Variants in ANK2 observed in about 807,000 individuals in gnomAD.
ANK2 encodes the protein ankyrin 2, also known as ankyrin-2.
In ANK2, 83 loss-of-function variants were observed where a neutral mutation model predicts 360.5. The observed-to-expected ratio is 0.23, with a 90% CI of 0.19 to 0.28. ANK2 has a LOEUF of 0.28. Among genes scored for constraint, ANK2 ranks in the 10% least tolerant of loss-of-function variants. The pLI is 1.00. For missense variants in ANK2, 4,201 were observed against 4,795.7 expected, an observed-to-expected ratio of 0.88 and a Z score of 3.66; for synonymous variants, 1,740 against 1,759.5, an observed-to-expected ratio of 0.99 and a Z score of 0.28.
intron 39 of ANK2, among the ~76,000 whole-genome samples, chr4:113,361,197 T>A (rs2096200260): frequency 6.6e-6 from 1 of 152,164 alleles, no homozygotes; most frequent in Non-Finnish European, 1.5e-5. Context: ...GAGATTATTA[T>A]GTTTCAAAAT....
At chr4:113,315,197 C>A (rs999920671) in intron 24 of ANK2, among the ~76,000 whole-genome samples, 12 of 152,170 alleles carry the variant, frequency 7.9e-5, no homozygotes, top group Non-Finnish European at 1.6e-4. Context: ...AAATGGATAT[C>A]AAAATTTCAC....
chr4:112,784,281 C>T, the ANK2 span, among the ~76,000 whole-genome samples: 3 of 151,092 alleles, frequency 2.0e-5, no homozygotes, highest in African/African-American at 7.3e-5. Flanking sequence ...ATCTCCCAGC[C>T]TTAATCGATC....
At position 112,850,447 on chromosome 4, in the gene ANK2, T is replaced by TTC. The variant is rs1490327965; in HGVS notation, c.-40+32184_-40+32185insCT. On this transcript the variant is annotated intron_variant, in intron 1 of 30. Transcript: ENST00000503271. ...GGTTTAAGAGTTGTTGTTCGTTTCT[T>TTC]TTTTTTTTTTTTTTTTCATAGTGCC... Among the ~76,000 whole-genome samples, 592 of 70,862 alleles carry TTC rather than the reference T, an allele frequency of 8.4e-3. 6 individuals carry two copies. The highest frequency in any genetic ancestry group is 0.026 in the African/African-American group (543 of 21,218). 46.5% of individuals were successfully genotyped at this position (70,862 alleles called of 152,430 possible).
chr4:112,883,593 A>G (rs1298336905), intron 1 of ANK2, among the ~76,000 whole-genome samples: 1 of 152,120 alleles, frequency 6.6e-6, no homozygotes, highest in African/African-American at 2.4e-5. Flanking sequence ...GAAATCTTTA[A>G]GGAATCTGTA....
intron 1 of ANK2, among the ~76,000 whole-genome samples, chr4:112,869,790 C>T (rs2072186669): frequency 1.3e-5 from 2 of 152,212 alleles, no homozygotes; most frequent in African/African-American, 4.8e-5. Context: ...TGAAGTGATT[C>T]TCATGCCTCA....
At chr4:113,277,320 A>C (rs2060605514) in intron 15 of ANK2, among the ~76,000 whole-genome samples, 1 of 152,178 alleles carries the variant, frequency 6.6e-6, no homozygotes, top group African/African-American at 2.4e-5. Flanking sequence ...TGTTCTATAG[A>C]CCATTTATCT....
At chr4:113,061,338 C>T (rs2073243585) in intron 1 of ANK2, among the ~76,000 whole-genome samples, 1 of 152,158 alleles carries the variant, frequency 6.6e-6, no homozygotes, top group African/African-American at 2.4e-5. Flanking sequence ...CACTGACCCT[C>T]ATCCAGTGGG....
chr4:113,160,359 T>A, intron 1 of ANK2: 1 of 418,104 alleles, frequency 2.4e-6, no homozygotes, highest in Non-Finnish European at 4.7e-6. Context: ...AGTCACCACA[T>A]CCAGCGGGTA....
At chr4:113,178,854 GGATCT>G (rs1473153971) in intron 2 of ANK2, among the ~76,000 whole-genome samples, 6 of 152,174 alleles carry the variant, frequency 3.9e-5, no homozygotes, top group African/African-American at 1.4e-4. Context: ...AGGGCCACAT[GGATCT>G]GTCTGTGTCC....
chr4:112,775,546 A>ACACACACACACACACACAC, the ANK2 span, among the ~76,000 whole-genome samples: 141 of 8,766 alleles, frequency 0.016, no homozygotes, highest in African/African-American at 0.027. Context: ...CACACACACA[A>ACACACACACACACACACAC]GAAAAAAAAT....
chr4:113,346,323 A>G (rs2094847176), intron 35 of ANK2, among the ~76,000 whole-genome samples: 1 of 152,282 alleles, frequency 6.6e-6, no homozygotes, highest in Non-Finnish European at 1.5e-5. Context: ...TTGGCTTCAG[A>G]TTTAACTTTT....
intron 1 of ANK2, among the ~76,000 whole-genome samples, chr4:113,062,059 GT>G (rs1445575380): frequency 5.9e-5 from 9 of 152,008 alleles, no homozygotes; most frequent in Non-Finnish European, 2.9e-5. Context: ...GCCATAGAAA[GT>G]TTTTTATTAT....
At chr4:112,922,943 TAAAAG>T (rs1353550211) in intron 2 of ANK2, among the ~76,000 whole-genome samples, 12 of 152,182 alleles carry the variant, frequency 7.9e-5, no homozygotes, top group Non-Finnish European at 1.6e-4. Context: ...TACTGTGTCT[TAAAAG>T]AAAAGATAAT....
the ANK2 span, among the ~76,000 whole-genome samples, chr4:112,803,861 T>A: frequency 1.3e-5 from 2 of 152,130 alleles, no homozygotes; most frequent in African/African-American, 4.8e-5. Flanking sequence ...TTAAAAAGTA[T>A]TTTTAATATT....
intron 1 of ANK2, among the ~76,000 whole-genome samples, chr4:112,845,614 C>A (rs2063116204): frequency 6.6e-6 from 1 of 152,142 alleles, no homozygotes; most frequent in African/African-American, 2.4e-5. Flanking sequence ...AGTGTTCTAA[C>A]TGCAGGGATG....
chr4:112,924,645 A>T (rs2092259993), intron 2 of ANK2, among the ~76,000 whole-genome samples: 1 of 151,920 alleles, frequency 6.6e-6, no homozygotes, highest in Non-Finnish European at 1.5e-5. Flanking sequence ...ATGACAGGAA[A>T]AAAGTCCACT....
chr4:113,224,926 A>C (rs1231694171), intron 4 of ANK2, among the ~76,000 whole-genome samples: 1 of 142,204 alleles, frequency 7.0e-6, no homozygotes, highest in Non-Finnish European at 1.5e-5. Flanking sequence ...ATTCCTTTTG[A>C]GATGCATTCT....
chr4:113,170,013 T>A (rs2097888330), intron 1 of ANK2, among the ~76,000 whole-genome samples: 1 of 152,176 alleles, frequency 6.6e-6, no homozygotes, highest in African/African-American at 2.4e-5. Context: ...AAGAATACCT[T>A]TTTTGTAAGT....
intron 22 of ANK2, among the ~76,000 whole-genome samples, chr4:113,294,393 G>A (rs934562316): frequency 1.3e-5 from 2 of 152,202 alleles, no homozygotes; most frequent in Non-Finnish European, 2.9e-5. Flanking sequence ...AAGTAGAAAA[G>A]TAGAACAGTA....
Sources: allele counts gnomAD v4.1 joint callset (sites outside exome capture counted in the v4.1 genomes callset), GRCh38; gene constraint gnomAD v4.1.1; transcripts MANE v1.5; gene names NCBI Gene and HGNC (gene_info 2026-07-23, HGNC 2026-07-21).